Variants in MSI2 observed in about 807,000 individuals in gnomAD.
The protein encoded by MSI2 is musashi RNA binding protein 2.
MSI2 carries 17 observed loss-of-function variants against 45.6 expected under a neutral mutation model. The ratio of observed to expected loss-of-function variants is 0.37; its 90% CI spans 0.26 to 0.56. The LOEUF (loss-of-function observed/expected upper bound fraction) is 0.56. Among genes scored for constraint, MSI2 ranks in the 20% least tolerant of loss-of-function variants. The probability of loss-of-function intolerance (pLI) is 0.77; values close to 1 mark genes in which losing one functional copy is unlikely to be tolerated. For synonymous variants in MSI2, 156 were observed against 158.2 expected (o/e 0.99, Z 0.11); for missense variants, 293 against 444.2 (o/e 0.66, Z 3.06).
chr17:57,262,372 C>A, intron 5 of MSI2, 180 bp downstream of exon 5: 1 of 547,558 alleles, frequency 1.8e-6, no homozygotes, highest in South Asian at 3.5e-5. Flanking sequence ...GTTAGCCATC[C>A]CAAGGTGGCT....
intron 5 of MSI2, among the ~76,000 whole-genome samples, chr17:57,275,000 A>G (rs1908720555): frequency 6.6e-6 from 1 of 152,242 alleles, no homozygotes; most frequent in South Asian, 2.1e-4. Context: ...ACAACAAAAG[A>G]AAAATTTTAA....
At chr17:57,697,562 C>G in the MSI2 span, among the ~76,000 whole-genome samples, 8 of 152,064 alleles carry the variant, frequency 5.3e-5, no homozygotes. Flanking sequence ...TGTATTAGTC[C>G]ATTTTCATAC....
At chr17:57,409,188 CTG>C (rs760546831) in intron 6 of MSI2, among the ~76,000 whole-genome samples, 36 of 152,216 alleles carry the variant, frequency 2.4e-4, no homozygotes, top group Non-Finnish European at 4.3e-4. Flanking sequence ...GAGTTTCTGA[CTG>C]TTGCTAACCT....
chr17:57,350,070 A>C (rs1262522231), intron 5 of MSI2, among the ~76,000 whole-genome samples: 1 of 152,316 alleles, frequency 6.6e-6, no homozygotes, highest in East Asian at 1.9e-4. Flanking sequence ...ATTATAAATG[A>C]ACCATATGGA....
intron 5 of MSI2, among the ~76,000 whole-genome samples, chr17:57,396,527 AT>A (rs906516038): frequency 6.6e-6 from 1 of 151,926 alleles, no homozygotes; most frequent in African/African-American, 2.4e-5. Context: ...TTAAAAGGGA[AT>A]TTTTTTTAAC....
At position 57,401,602 on chromosome 17, in the gene MSI2, G is replaced by A. The variant is rs1188833493; in HGVS notation, c.405+131G>A. The A allele has an allele frequency of 3.5e-5, 24 of 676,364 alleles. 1 individual carries two copies. The highest frequency in any genetic ancestry group is 5.7e-4 in the Middle Eastern group (2 of 3,534). The allele number at this position is 676,364 out of a possible 1,614,324, so 41.9% of individuals were successfully genotyped here. ...CCTTGTCCTTGAACCTGGCCATCAT[G>A]ATTTAAGTGAAATTCAGCAGAAGCT... On this transcript the variant is annotated intron_variant, in intron 6 of 13. Coordinates refer to ENST00000284073, the MANE Select transcript of MSI2 (RefSeq NM_138962.4).
At chr17:57,561,421 C>T (rs367982048) in intron 7 of MSI2, among the ~76,000 whole-genome samples, 27 of 152,180 alleles carry the variant, frequency 1.8e-4, no homozygotes, top group African/African-American at 5.8e-4. Context: ...TGTTTTCTGA[C>T]CCCAGCATAT....
chr17:57,305,863 C>A (rs1002945350), intron 5 of MSI2, among the ~76,000 whole-genome samples: 3 of 152,132 alleles, frequency 2.0e-5, no homozygotes, highest in Non-Finnish European at 2.9e-5. Context: ...TCTATGTAAA[C>A]CATCACTTCT....
At chr17:57,286,245 TC>T (rs1038054209) in intron 5 of MSI2, among the ~76,000 whole-genome samples, 2 of 151,970 alleles carry the variant, frequency 1.3e-5, no homozygotes, top group Non-Finnish European at 2.9e-5. Flanking sequence ...TTTTTTTTTT[TC>T]CTCAGACTGA....
chr17:57,698,926 T>TGTGCGC, the MSI2 span, among the ~76,000 whole-genome samples: 3 of 134,108 alleles, frequency 2.2e-5, no homozygotes, highest in African/African-American at 9.5e-5. Context: ...TGTGTGTGTG[T>TGTGCGC]GTGTGTGTGT....
intron 5 of MSI2, among the ~76,000 whole-genome samples, chr17:57,321,959 G>A (rs959069003): frequency 6.6e-6 from 1 of 152,076 alleles, no homozygotes; most frequent in Non-Finnish European, 1.5e-5. Context: ...ACCATGCCCG[G>A]CTAGTTTTTG....
At chr17:57,342,894 C>A (rs1915290959) in intron 5 of MSI2, among the ~76,000 whole-genome samples, 1 of 152,176 alleles carries the variant, frequency 6.6e-6, no homozygotes, top group African/African-American at 2.4e-5. Context: ...TACTTACATA[C>A]ACACACATTT....
intron 7 of MSI2, among the ~76,000 whole-genome samples, chr17:57,575,110 G>T (rs531722297): frequency 6.6e-6 from 1 of 151,616 alleles, no homozygotes. Flanking sequence ...AATTACAGGC[G>T]TGAGCCACTG....
At chr17:57,514,085 A>G (rs971901684) in intron 6 of MSI2, among the ~76,000 whole-genome samples, 3 of 152,130 alleles carry the variant, frequency 2.0e-5, no homozygotes, top group Non-Finnish European at 4.4e-5. Flanking sequence ...TTTCAACAAG[A>G]ATTTGTCTTT....
rs2086768332 is a variant in MSI2 at position 57,529,186 on chromosome 17, A to G, written c.406-490A>G. On this transcript the variant is annotated intron_variant, in intron 6 of 13. Coordinates refer to ENST00000284073, the MANE Select transcript of MSI2 (RefSeq NM_138962.4). The surrounding 1 kb of genome is among the most constrained non-coding windows in gnomAD (Gnocchi z 5.3). Reference sequence around the variant, plus strand: ...AGCAGTGGCTCACACCTATAATCTCAGCGCTTTGAAAGGCTGCTGCAGGAG... The same window carrying G: ...AGCAGTGGCTCACACCTATAATCTCGGCGCTTTGAAAGGCTGCTGCAGGAG... 6.6e-6 allele frequency among the ~76,000 whole-genome samples: 1 copy of G among 152,162 alleles called. No homozygotes were observed. Among genetic ancestry groups the G allele is most frequent in the Non-Finnish European group, 1.5e-5 (1 of 68,012 alleles).
At chr17:57,533,321 G>A (rs1334890469) in intron 7 of MSI2, among the ~76,000 whole-genome samples, 1 of 152,200 alleles carries the variant, frequency 6.6e-6, no homozygotes, top group Non-Finnish European at 1.5e-5. Context: ...AGGGTCCCAC[G>A]TTCAGTCTTT....
In MSI2 at chr17:57,598,878, A is replaced by G. The variant is rs111734010; in HGVS notation, c.537+1928A>G. On this transcript the variant is annotated intron_variant, in intron 8 of 13. Coordinates refer to ENST00000284073, the MANE Select transcript of MSI2 (RefSeq NM_138962.4). ...GGGTTTCACCATGTTGGCCAGGCTGATCTCAAACTCCTGACGTCAAGTGAT... is the reference window on the plus strand; with the variant it reads ...GGGTTTCACCATGTTGGCCAGGCTGGTCTCAAACTCCTGACGTCAAGTGAT... 6.1e-4 allele frequency among the ~76,000 whole-genome samples: 93 copies of G among 152,228 alleles called. 2 individuals carry two copies. The highest frequency in any genetic ancestry group is 2.1e-3 in the African/African-American group (89 of 41,542).
chr17:57,616,201 C>A, intron 9 of MSI2, 117 bp downstream of exon 9: 1 of 708,032 alleles, frequency 1.4e-6, no homozygotes, highest in Non-Finnish European at 2.4e-6. Context: ...GCCTCAGTTT[C>A]CTTGTCTGTA....
At chr17:57,450,384 C>T (rs1478142897) in intron 6 of MSI2, 2 of 132,520 alleles carry the variant, frequency 1.5e-5, no homozygotes, top group African/African-American at 3.0e-5. Flanking sequence ...AAATTTAAAC[C>T]TCATAGAAAA....
Sources: gnomAD v4.1 joint callset for allele counts (sites outside exome capture counted in the v4.1 genomes callset) on GRCh38, gnomAD v4.1.1 for gene constraint, Gnocchi (gnomAD v3.1) non-coding constraint, MANE v1.5 for transcripts, NCBI Gene and HGNC (gene_info 2026-07-23, HGNC 2026-07-21) for gene names.